Variants in SP3 observed in about 807,000 individuals in gnomAD.
SP3 encodes the protein Sp3 transcription factor, also known as transcription factor Sp3.
Under a neutral mutation model 70.3 loss-of-function variants are expected in SP3, and 10 were observed. That is an observed-to-expected ratio of 0.14 (90% CI 0.09 to 0.24). The LOEUF (loss-of-function observed/expected upper bound fraction) is 0.24. SP3 is among the 10% of genes least tolerant of loss of function. SP3 has a pLI of 1.00. For missense variants in SP3, 825 were observed against 914.6 expected, an observed-to-expected ratio of 0.90 and a Z score of 1.26; for synonymous variants, 402 against 333.5, an observed-to-expected ratio of 1.21 and a Z score of -2.24.
At chr2:173,954,279 A>C (rs1356094252) in intron 4 of SP3, among the ~76,000 whole-genome samples, 1 of 152,208 alleles carries the variant, frequency 6.6e-6, no homozygotes, top group African/African-American at 2.4e-5. Context: ...ATTGACAACT[A>C]TTTCTAGCAC....
chr2:173,964,285 GGGAGT>G (rs1243618239), intron 2 of SP3, 115 bp downstream of exon 2: 14 of 525,748 alleles, frequency 2.7e-5, no homozygotes, highest in South Asian at 2.3e-4. Context: ...GCGGGGGGAG[GGGAGT>G]GGAGGGGAGG....
intron 4 of SP3, among the ~76,000 whole-genome samples, chr2:173,942,202 G>A (rs1427912176): frequency 1.3e-5 from 2 of 152,198 alleles, no homozygotes; most frequent in Non-Finnish European, 2.9e-5. Flanking sequence ...GAATTGGGAG[G>A]AGGATGAACA....
At chr2:173,949,684 T>A (rs1366259921) in intron 4 of SP3, among the ~76,000 whole-genome samples, 1 of 151,944 alleles carries the variant, frequency 6.6e-6, no homozygotes, top group Non-Finnish European at 1.5e-5. Flanking sequence ...AGCCTGCCTT[T>A]TATAAGGCTT....
At chr2:173,913,333 T>A (rs539128191) in intron 5 of SP3, 67 bp from the exon 6 acceptor site, 2 of 1,147,706 alleles carry the variant, frequency 1.7e-6, no homozygotes, top group East Asian at 2.9e-5. Flanking sequence ...ACCATTTACA[T>A]CATATATCCC....
chr2:173,947,024 G>A (rs1312486437), intron 4 of SP3, among the ~76,000 whole-genome samples: 2 of 151,888 alleles, frequency 1.3e-5, no homozygotes, highest in Non-Finnish European at 2.9e-5. Context: ...TACCTAGCTG[G>A]GCTATCATTC....
rs781728736 is a variant in SP3, at chr2:173,902,005, T to C, written c.*7936A>G. 6.6e-6 allele frequency among the ~76,000 whole-genome samples: 1 copy of C among 152,094 alleles called. No homozygotes were observed. ...CCCCGGCCAAGCCTTCTTTTCAATATTCAACTCAAGAGAGTGGTCTACTAT... is the reference window on the plus strand; with the variant it reads ...CCCCGGCCAAGCCTTCTTTTCAATACTCAACTCAAGAGAGTGGTCTACTAT... On this transcript the variant is annotated 3_prime_UTR_variant, in exon 7 of 7. Coordinates refer to ENST00000310015, the MANE Select transcript of SP3 (RefSeq NM_003111.5).
At chr2:173,912,236 C>A (rs1209228851) in intron 6 of SP3, among the ~76,000 whole-genome samples, 1 of 152,206 alleles carries the variant, frequency 6.6e-6, no homozygotes, top group Non-Finnish European at 1.5e-5. Flanking sequence ...CTACTACAGA[C>A]TTCATAGGTA....
At position 173,955,120 on chromosome 2, in the gene SP3, T is replaced by C. The variant is rs756098356; in HGVS notation, c.1392A>G (p.Gln464=). Residue 464 remains glutamine, a synonymous_variant, in exon 4 of 7, where the codon CAA becomes CAG. Transcript: ENST00000310015. ...TVTPSGQVTW[Q]TFQVQGVQNL... is the part of the protein sequence containing the mutation. Reference sequence around the variant, plus strand: ...TCTGGACCCCTTGTACTTGAAACGTTTGCCAAGTTACCTGTCCAGAAGGGG... The same window carrying C: ...TCTGGACCCCTTGTACTTGAAACGTCTGCCAAGTTACCTGTCCAGAAGGGG... The C allele has an allele frequency of 6.2e-7, 1 of 1,614,222 alleles. No homozygotes were observed. The highest frequency in any genetic ancestry group is 8.5e-7 in the Non-Finnish European group (1 of 1,180,036).
At chr2:173,953,232 G>A (rs1001089656) in intron 4 of SP3, among the ~76,000 whole-genome samples, 1 of 152,238 alleles carries the variant, frequency 6.6e-6, no homozygotes, top group Non-Finnish European at 1.5e-5. Context: ...TCACTGCCTT[G>A]ATTTATGCTA....
intron 6 of SP3, among the ~76,000 whole-genome samples, chr2:173,912,016 C>G (rs968651698): frequency 1.3e-5 from 2 of 152,110 alleles, no homozygotes; most frequent in African/African-American, 4.8e-5. Context: ...CACGGTTTCA[C>G]CATGTTGCCC....
rs1298986941 is a variant in SP3 at position 173,908,921 on chromosome 2, AAG to A, written c.*1018_*1019del. 1 of 152,382 alleles carries A rather than the reference AAG, an allele frequency of 6.6e-6. No individual in the cohort carries two copies. Among genetic ancestry groups the A allele is most frequent in the Non-Finnish European group, 1.5e-5 (1 of 67,896 alleles). 9.4% of individuals were successfully genotyped at this position (152,382 alleles called of 1,614,324 possible). A position where few individuals can be genotyped will look rare whatever the true frequency, so the allele number is the denominator to read the frequency against. ...ACTGACTACCTAGACAAAAAAAAAAAAGACTTAAAAAAATATCATAAAACCTC... is the reference window on the plus strand; with the variant it reads ...ACTGACTACCTAGACAAAAAAAAAAAACTTAAAAAAATATCATAAAACCTC... On this transcript the variant is annotated 3_prime_UTR_variant, in exon 7 of 7. Transcript: ENST00000310015.
At chr2:173,916,612 T>C (rs895895726) in intron 5 of SP3, 3 of 152,088 alleles carry the variant, frequency 2.0e-5, no homozygotes, top group African/African-American at 4.8e-5. Flanking sequence ...AATATTAAGG[T>C]ATTTTTCATC....
At chr2:173,953,917 A>G (rs1214763600) in intron 4 of SP3, among the ~76,000 whole-genome samples, 2 of 152,212 alleles carry the variant, frequency 1.3e-5, no homozygotes, top group Admixed American at 6.5e-5. Context: ...AGGTTCTAAG[A>G]CCATTTCAAT....
chr2:173,956,113 A>G lies in SP3; in HGVS notation c.399T>C (p.Ala133=). The change falls in exon 4 of 7, where the codon GCT becomes GCC. Residue 133 remains alanine (A), a synonymous_variant. Transcript: ENST00000310015. ...AGNLVQIPSA[A]TSSGQYVLPL... ...GAAGAACATACTGCCCACTTGAAGT[A>G]GCAGCACTTGGAATCTGGACTAGAT... 1 of 1,614,206 alleles carries G rather than the reference A, an allele frequency of 6.2e-7. No individual in the cohort carries two copies. The highest frequency in any genetic ancestry group is 8.5e-7 in the Non-Finnish European group (1 of 1,180,030).
intron 3 of SP3, among the ~76,000 whole-genome samples, chr2:173,957,342 A>G (rs1469454620): frequency 6.6e-6 from 1 of 152,176 alleles, no homozygotes. Context: ...TACAATGTGA[A>G]AAGTAGCACA....
At chr2:173,952,348 T>C (rs181536240) in intron 4 of SP3, among the ~76,000 whole-genome samples, 1 of 152,290 alleles carries the variant, frequency 6.6e-6, no homozygotes, top group East Asian at 1.9e-4. Context: ...TACAAAGATA[T>C]GCAGTAGGAA....
chr2:173,965,504 G>A (rs1161257859), upstream of SP3: 3 of 305,974 alleles, frequency 9.8e-6, no homozygotes, highest in Non-Finnish European at 1.8e-5. Flanking sequence ...GCCCCCGGGT[G>A]GAAGGGGAGA....
rs1241933669 is a variant in SP3, at chr2:173,902,488, A to G, written c.*7453T>C. ...ATTCAAGTTCTAGATACATATCTCA[A>G]GAAATGCTCACATGTACACAAGGAA... On this transcript the variant is annotated 3_prime_UTR_variant, in exon 7 of 7. Transcript: ENST00000310015. Among the ~76,000 whole-genome samples, 1 of 152,224 alleles carries G rather than the reference A, an allele frequency of 6.6e-6. No individual in the cohort carries two copies. Among genetic ancestry groups the G allele is most frequent in the African/African-American group, 2.4e-5 (1 of 41,446 alleles).
At position 173,904,081 on chromosome 2, in the gene SP3, A is replaced by T. The variant is rs956684583; in HGVS notation, c.*5860T>A. 6.6e-6 allele frequency among the ~76,000 whole-genome samples: 1 copy of T among 152,102 alleles called. No individual in the cohort carries two copies. Among genetic ancestry groups the T allele is most frequent in the Non-Finnish European group, 1.5e-5 (1 of 68,012 alleles). ...TTCTCTTAAGGAGGGCACTACCTAG[A>T]TCCCTCGCATGCGGGGTTCACAACG... On this transcript the variant is annotated 3_prime_UTR_variant, in exon 7 of 7. Transcript: ENST00000310015.
Sources: gnomAD v4.1 joint callset for allele counts (sites outside exome capture counted in the v4.1 genomes callset) on GRCh38, gnomAD v4.1.1 for gene constraint, MANE v1.5 for transcripts, NCBI Gene and HGNC (gene_info 2026-07-23, HGNC 2026-07-21) for gene names.